The following BRWD3 variants were observed in gnomAD, a reference collection of about 807,000 sequenced individuals.
BRWD3 encodes the protein bromodomain and WD repeat domain containing 3, also known as bromodomain and WD repeat-containing protein 3.
BRWD3 carries 10 observed loss-of-function variants against 149.7 expected under a neutral mutation model. The ratio of observed to expected loss-of-function variants is 0.07; its 90% confidence interval spans 0.04 to 0.11. The LOEUF (loss-of-function observed/expected upper bound fraction) is 0.11. Among genes scored for constraint, BRWD3 ranks in the 10% least tolerant of loss-of-function variants. The pLI is 1.00. For missense variants in BRWD3, 940 were observed against 1,373.2 expected, an observed-to-expected ratio of 0.68 and a Z score of 4.99; for synonymous variants, 504 against 456.7, an observed-to-expected ratio of 1.10 and a Z score of -1.32.
rs755672459 is a variant in BRWD3 at position 80,703,582 on chromosome X, C to A, written c.2733G>T (p.Leu911=). The change falls in exon 24 of 41, where the codon CTG becomes CTT. Residue 911 remains leucine, a synonymous_variant. Coordinates refer to ENST00000373275, the MANE Select transcript of BRWD3 (RefSeq NM_153252.5). Reference sequence around the variant, plus strand: ...CATTAGGCTCACCTGCTATAGAAACCAGTCCTCCTTTCTAAAACATAAATA... The same window carrying A: ...CATTAGGCTCACCTGCTATAGAAACAAGTCCTCCTTTCTAAAACATAAATA... ...PKQTRKKKGG[L]VSIAGEPNEE... 8.4e-7 allele frequency: 1 copy of A among 1,195,114 alleles called. No homozygotes were observed. The highest frequency in any genetic ancestry group is 1.8e-5 in the South Asian group (1 of 55,091).
intron 6 of BRWD3, among the ~76,000 whole-genome samples, chrX:80,764,391 C>T (rs900329054): frequency 3.6e-5 from 4 of 111,462 alleles, no homozygotes; most frequent in Admixed American, 9.5e-5. Context: ...CTGCAAGCTC[C>T]GCCACCTGGG....
chrX:80,685,266 T>C (rs1265492137), intron 36 of BRWD3, among the ~76,000 whole-genome samples, 196 bp downstream of exon 36: 1 of 111,011 alleles, frequency 9.0e-6, no homozygotes, highest in Non-Finnish European at 1.9e-5. Flanking sequence ...ACAAGGAGGA[T>C]ACAAAGAACA....
Position 80,719,774 on chromosome X carries a change from T to TA in BRWD3, c.1877-119dup. The stretch of plus-strand genomic sequence containing the variant: ...ATTAAAAACAGCATTAAACGTAAAA[T>TA]AAAGTATATATCAAATGAAACATTT... On this transcript the variant is annotated intron_variant, in intron 17 of 40. Transcript: ENST00000373275. 3 of 689,406 alleles carry TA rather than the reference T, an allele frequency of 4.4e-6. No individual in the cohort carries two copies. The South Asian group carries it at 7.3e-5, about 17-fold the overall frequency. 56.8% of individuals were successfully genotyped at this position (689,406 alleles called of 1,213,427 possible). A position where few individuals can be genotyped will look rare whatever the true frequency, so the allele number is the denominator to read the frequency against.
intron 21 of BRWD3, among the ~76,000 whole-genome samples, chrX:80,708,859 C>T (rs998765932): frequency 9.2e-6 from 1 of 108,738 alleles, no homozygotes; most frequent in Non-Finnish European, 1.9e-5. Context: ...AATGAGAGTA[C>T]CATATATTGT....
rs1477306092 is a variant in BRWD3 at position 80,674,402 on chromosome X, TAGAAGA to T, written c.*2201_*2206del. The T allele has an allele frequency of 9.0e-6, 1 of 111,446 alleles. No individual in the cohort carries two copies. The highest frequency in any genetic ancestry group is 1.9e-5 in the Non-Finnish European group (1 of 52,966). 9.2% of individuals were successfully genotyped at this position (111,446 alleles called of 1,213,427 possible). A position where few individuals can be genotyped will look rare whatever the true frequency, so the allele number is the denominator to read the frequency against. On this transcript the variant is annotated 3_prime_UTR_variant, in exon 41 of 41. Transcript: ENST00000373275. ...TACATTTCAAGAGGTCAGCTCTTCA[TAGAAGA>T]ATGTCAACAAAAAATTTCAAACTAA...
intron 4 of BRWD3, among the ~76,000 whole-genome samples, chrX:80,794,567 A>G (rs2074218173): frequency 9.1e-6 from 1 of 109,877 alleles, no homozygotes; most frequent in South Asian, 3.8e-4. Context: ...ATAGATATAT[A>G]TTTTCCATAT....
At position 80,708,213 on chromosome X, in the gene BRWD3, T is replaced by C. The variant is rs1029558009; in HGVS notation, c.2476-710A>G. 4.7e-5 allele frequency among the ~76,000 whole-genome samples: 5 copies of C among 105,816 alleles called. No individual in the cohort carries two copies. In the Admixed American group the frequency reaches 5.1e-4, roughly 11 times the overall value. The allele number at this position is 105,816 out of a possible 115,157, so 91.9% of individuals were successfully genotyped here. Reference sequence around the variant, plus strand: ...GAGTTCGAGACCAGCCTGACCAATATGGTGAAACCCTGTCTCTACTAAAAA... The same window carrying C: ...GAGTTCGAGACCAGCCTGACCAATACGGTGAAACCCTGTCTCTACTAAAAA... On this transcript the variant is annotated intron_variant, in intron 21 of 40. Coordinates refer to ENST00000373275, the MANE Select transcript of BRWD3 (RefSeq NM_153252.5).
chrX:80,686,714 A>T, intron 35 of BRWD3, 149 bp downstream of exon 35: 1 of 552,919 alleles, frequency 1.8e-6, no homozygotes. Flanking sequence ...TTTAAAAATC[A>T]CACTAATCAC....
intron 34 of BRWD3, 99 bp from the exon 35 acceptor site, chrX:80,687,102 AT>A (rs2147684610): frequency 3.3e-4 from 2 of 5,986 alleles, no homozygotes; most frequent in East Asian, 0.027. Context: ...GTATGTGTGT[AT>A]ATATATATAT....
At chrX:80,735,893 G>T in intron 9 of BRWD3, 95 bp downstream of exon 9, 2 of 520,237 alleles carry the variant, frequency 3.8e-6, no homozygotes, top group Non-Finnish European at 6.5e-6. Flanking sequence ...ATACACATAT[G>T]TAAATATATA....
At chrX:80,778,422 A>C (rs1466832381) in intron 6 of BRWD3, among the ~76,000 whole-genome samples, 3 of 111,757 alleles carry the variant, frequency 2.7e-5, no homozygotes, top group Non-Finnish European at 5.6e-5. Context: ...CAAGGAGAGG[A>C]GTGCCTTCAG....
chrX:80,689,920 T>C, intron 32 of BRWD3, 47 bp downstream of exon 32: 2 of 1,184,787 alleles, frequency 1.7e-6, no homozygotes, highest in Non-Finnish European at 2.3e-6. Flanking sequence ...AATTAATTTT[T>C]TAAAAACCTT....
At chrX:80,703,380 ATAT>A in intron 24 of BRWD3, 97 bp downstream of exon 24, 1 of 524,343 alleles carries the variant, frequency 1.9e-6, no homozygotes, top group East Asian at 3.7e-5. Flanking sequence ...GACACTGTAT[ATAT>A]TATTATAATG....
intron 17 of BRWD3, among the ~76,000 whole-genome samples, chrX:80,720,065 C>A (rs1002410574): frequency 8.9e-6 from 1 of 112,067 alleles, no homozygotes; most frequent in Non-Finnish European, 1.9e-5. Context: ...AAACCTACTG[C>A]ACTGCTAGTT....
intron 2 of BRWD3, 61 bp from the exon 3 acceptor site, chrX:80,809,103 C>A: frequency 8.6e-7 from 1 of 1,162,881 alleles, no homozygotes. Context: ...ATTCCTCCCT[C>A]CACACTTAAA....
At chrX:80,771,998 G>A (rs762463133) in intron 6 of BRWD3, among the ~76,000 whole-genome samples, 1 of 111,732 alleles carries the variant, frequency 8.9e-6, no homozygotes, top group East Asian at 2.8e-4. Context: ...GGAAAAATAG[G>A]AACGCTTTTA....
intron 19 of BRWD3, chrX:80,717,213 C>T (rs1484388513): frequency 1.3e-5 from 2 of 157,373 alleles, no homozygotes; most frequent in African/African-American, 3.1e-5. Context: ...TAGCATCTAA[C>T]AAATAATTGT....
chrX:80,708,486 G>A (rs1255309174), intron 21 of BRWD3, among the ~76,000 whole-genome samples: 1 of 103,910 alleles, frequency 9.6e-6, no homozygotes, highest in East Asian at 3.1e-4. Context: ...GTGGGGGTGG[G>A]GCATGAATGT....
At chrX:80,720,624 GAAGA>G (rs772391993) in intron 17 of BRWD3, among the ~76,000 whole-genome samples, 1 of 111,513 alleles carries the variant, frequency 9.0e-6, no homozygotes, top group South Asian at 3.7e-4. Flanking sequence ...ATTTGTTACT[GAAGA>G]AAGAAAAATA....
Sources: allele counts gnomAD v4.1 joint callset (sites outside exome capture counted in the v4.1 genomes callset), GRCh38; gene constraint gnomAD v4.1.1; transcripts MANE v1.5; gene names NCBI Gene and HGNC (gene_info 2026-07-23, HGNC 2026-07-21).